CDH18: variants seen among roughly 807,000 people sequenced by gnomAD.
CDH18 encodes cadherin-18.
Under a neutral mutation model 67.9 loss-of-function variants are expected in CDH18, and 31 were observed. The ratio of observed to expected loss-of-function variants is 0.46; its 90% CI spans 0.34 to 0.62. CDH18 has a LOEUF of 0.62. CDH18 is among the 20% of genes least tolerant of loss of function. The pLI is 0.01. For synonymous variants in CDH18, 362 were observed against 347.2 expected, an observed-to-expected ratio of 1.04 and a Z score of -0.48; for missense variants, 890 against 975.5, an observed-to-expected ratio of 0.91 and a Z score of 1.17.
intron 2 of CDH18, among the ~76,000 whole-genome samples, chr5:20,176,182 T>C (rs975453230): frequency 2.0e-5 from 3 of 152,094 alleles, no homozygotes; most frequent in African/African-American, 7.2e-5. Context: ...AATGACTCCA[T>C]CAAGTCAAGC....
chr5:20,567,852 C>T (rs1028547903), intron 1 of CDH18, among the ~76,000 whole-genome samples: 1 of 152,032 alleles, frequency 6.6e-6, no homozygotes, highest in African/African-American at 2.4e-5. Flanking sequence ...AATGCCTAAT[C>T]GGTTTTACTC....
chr5:20,334,220 C>T (rs1195384436), intron 1 of CDH18, among the ~76,000 whole-genome samples: 6 of 147,248 alleles, frequency 4.1e-5, no homozygotes, highest in African/African-American at 1.3e-4. Context: ...GCAGGCTCCG[C>T]CCCCTGGGGT....
At chr5:20,351,390 G>A (rs1741175332) in intron 1 of CDH18, among the ~76,000 whole-genome samples, 1 of 151,994 alleles carries the variant, frequency 6.6e-6, no homozygotes, top group South Asian at 2.1e-4. Flanking sequence ...TGCAATATAA[G>A]CAACATTAAC....
At chr5:19,787,809 T>TTATATATATATATATATA (rs35850823) in intron 3 of CDH18, among the ~76,000 whole-genome samples, 2,678 of 143,888 alleles carry the variant, frequency 0.019, 40 homozygotes, top group Non-Finnish European at 0.028. Context: ...TAATTTACAG[T>TTATATATATATATATATA]TATATATATA....
At chr5:19,752,595 C>G (rs1256366716) in intron 3 of CDH18, among the ~76,000 whole-genome samples, 2 of 152,144 alleles carry the variant, frequency 1.3e-5, no homozygotes, top group African/African-American at 4.8e-5. Flanking sequence ...CCCTACCCAT[C>G]CTGGTAACTG....
chr5:19,639,034 ACT>A (rs1233406391), intron 5 of CDH18, among the ~76,000 whole-genome samples: 21 of 110,226 alleles, frequency 1.9e-4, no homozygotes, highest in Non-Finnish European at 3.2e-4. Context: ...AGACAGTCTC[ACT>A]CTGTCTCCCA....
intron 5 of CDH18, among the ~76,000 whole-genome samples, chr5:19,655,168 A>G (rs4866148): frequency 0.56 from 84,940 of 151,942 alleles, 26,845 homozygotes; most frequent in East Asian, 0.74. Flanking sequence ...ATATGTGTCT[A>G]GATTTCAATA....
At chr5:19,566,517 G>A (rs1207352013) in intron 8 of CDH18, among the ~76,000 whole-genome samples, 1 of 152,194 alleles carries the variant, frequency 6.6e-6, no homozygotes, top group Non-Finnish European at 1.5e-5. Flanking sequence ...AAGGCAAAAG[G>A]CACGTCTTGC....
chr5:19,480,661 C>A (rs959322247), intron 12 of CDH18, among the ~76,000 whole-genome samples: 1 of 152,188 alleles, frequency 6.6e-6, no homozygotes, highest in African/African-American at 2.4e-5. Context: ...ATGGCATGAG[C>A]CACCGCGCCC....
intron 2 of CDH18, among the ~76,000 whole-genome samples, chr5:19,903,541 G>GTGTATATATATATATATATATATATA (rs374931710): frequency 3.2e-5 from 4 of 124,732 alleles, no homozygotes; most frequent in Admixed American, 8.7e-5. Flanking sequence ...GTGTGTGTGT[G>GTGTATATATATATATATATATATATA]TATATATATA....
chr5:19,686,822 CA>C (rs960624915), intron 5 of CDH18, among the ~76,000 whole-genome samples: 10 of 148,552 alleles, frequency 6.7e-5, no homozygotes, highest in Admixed American at 2.7e-4. Context: ...TCTTCCCAAC[CA>C]AAAAAAAATA....
chr5:19,778,306 C>A (rs997567844), intron 3 of CDH18, among the ~76,000 whole-genome samples: 1 of 152,140 alleles, frequency 6.6e-6, no homozygotes, highest in Non-Finnish European at 1.5e-5. Flanking sequence ...AAGATATCTG[C>A]TTTCACCTCT....
At position 20,503,933 on chromosome 5, in the gene CDH18, G is replaced by C. The variant is rs187019256; in HGVS notation, c.-580+71529C>G. 9.8e-3 allele frequency among the ~76,000 whole-genome samples: 1,495 copies of C among 152,068 alleles called. 17 individuals are homozygous for C. The highest frequency in any genetic ancestry group is 0.034 in the African/African-American group (1,397 of 41,490). ...GGCGCCTGTAGTCCCAGCTACTCAG[G>C]AGGCTAAGGCAGGAGAATCGCTTGA... On this transcript the variant is annotated intron_variant, in intron 1 of 14. Coordinates refer to the CDH18 transcript ENST00000507958.
chr5:20,256,880 C>T (rs1744272273), intron 1 of CDH18, among the ~76,000 whole-genome samples: 2 of 151,776 alleles, frequency 1.3e-5, no homozygotes, highest in African/African-American at 2.4e-5. Context: ...AGGAAATGGG[C>T]TGTGATGTTC....
At chr5:20,086,235 T>C (rs927158856) in intron 2 of CDH18, among the ~76,000 whole-genome samples, 2 of 152,194 alleles carry the variant, frequency 1.3e-5, no homozygotes, top group African/African-American at 4.8e-5. Flanking sequence ...CTCTGAAATG[T>C]TATGAAGGCT....
At chr5:19,835,060 A>T (rs181988056) in intron 3 of CDH18, among the ~76,000 whole-genome samples, 1 of 152,320 alleles carries the variant, frequency 6.6e-6, no homozygotes, top group East Asian at 1.9e-4. Context: ...TAGTATAAAG[A>T]CACATGCACA....
chr5:19,494,345 A>T (rs150689974), intron 11 of CDH18, among the ~76,000 whole-genome samples: 2 of 152,192 alleles, frequency 1.3e-5, no homozygotes, highest in Admixed American at 6.5e-5. Context: ...ATAATTGCCT[A>T]TATGTCTCCA....
At chr5:19,755,479 A>G (rs1254059235) in intron 3 of CDH18, among the ~76,000 whole-genome samples, 5 of 122,964 alleles carry the variant, frequency 4.1e-5, no homozygotes, top group African/African-American at 1.4e-4. Context: ...ACACACATAC[A>G]TAGATATATA....
At chr5:20,526,221 T>A (rs1756048994) in intron 1 of CDH18, among the ~76,000 whole-genome samples, 1 of 152,070 alleles carries the variant, frequency 6.6e-6, no homozygotes, top group Non-Finnish European at 1.5e-5. Flanking sequence ...CCTGTAGGAC[T>A]TTAGCAACCC....
Sources: allele counts gnomAD v4.1 joint callset (sites outside exome capture counted in the v4.1 genomes callset), GRCh38; gene constraint gnomAD v4.1.1; transcripts MANE v1.5; gene names NCBI Gene and HGNC (gene_info 2026-07-23, HGNC 2026-07-21).